CADPS2: variants seen among roughly 807,000 people sequenced by gnomAD.
CADPS2 encodes the protein calcium-dependent secretion activator 2.
CADPS2 carries 93 observed loss-of-function variants against 172.5 expected under a neutral mutation model. That is an observed-to-expected ratio of 0.54 (90% CI 0.46 to 0.64). The LOEUF is 0.64. Ranked by LOEUF, CADPS2 falls within the 30% of genes least tolerant of loss-of-function variation. The pLI is 0.00. For missense variants in CADPS2, 1,420 were observed against 1,565.9 expected (o/e 0.91, Z 1.57); for synonymous variants, 546 against 555.2 (o/e 0.98, Z 0.23).
At chr7:122,690,009 C>A (rs151010074) in intron 2 of CADPS2, among the ~76,000 whole-genome samples, 248 of 152,264 alleles carry the variant, frequency 1.6e-3, no homozygotes, top group Middle Eastern at 3.4e-3. Flanking sequence ...TGCAGTTCTG[C>A]ACAGAAGCTG....
At chr7:122,560,976 G>A (rs1301849775) in intron 7 of CADPS2, among the ~76,000 whole-genome samples, 1 of 152,084 alleles carries the variant, frequency 6.6e-6, no homozygotes, top group African/African-American at 2.4e-5. Context: ...CAGATGATTT[G>A]TCTAAGGGAA....
chr7:122,716,848 A>G (rs1000666492), intron 2 of CADPS2, among the ~76,000 whole-genome samples: 3 of 152,128 alleles, frequency 2.0e-5, no homozygotes, highest in Non-Finnish European at 4.4e-5. Flanking sequence ...AGGGAGGCCC[A>G]GAAAGGGAAA....
intron 15 of CADPS2, among the ~76,000 whole-genome samples, chr7:122,451,102 C>T (rs955925280): frequency 5.3e-5 from 8 of 152,000 alleles, no homozygotes; most frequent in Non-Finnish European, 7.4e-5. Flanking sequence ...GGGGAAGAGA[C>T]TATGCAAGAA....
intron 1 of CADPS2, among the ~76,000 whole-genome samples, chr7:122,752,710 C>T (rs2092999668): frequency 6.6e-6 from 1 of 152,040 alleles, no homozygotes; most frequent in Non-Finnish European, 1.5e-5. Flanking sequence ...GTATTGTCTT[C>T]AGAACTCTTT....
At chr7:122,325,043 T>C (rs1169818700) in intron 29 of CADPS2, among the ~76,000 whole-genome samples, 1 of 152,116 alleles carries the variant, frequency 6.6e-6, no homozygotes, top group Non-Finnish European at 1.5e-5. Flanking sequence ...GACAATGTAT[T>C]ACTTTCGTAC....
chr7:122,468,709 T>C (rs1251337226), intron 14 of CADPS2, among the ~76,000 whole-genome samples: 1 of 152,182 alleles, frequency 6.6e-6, no homozygotes, highest in Non-Finnish European at 1.5e-5. Flanking sequence ...TTTGCAAATT[T>C]CAGAGCCGGG....
chr7:122,821,288 A>G (rs1009209502), intron 1 of CADPS2, among the ~76,000 whole-genome samples: 6 of 151,960 alleles, frequency 3.9e-5, no homozygotes, highest in African/African-American at 1.5e-4. Context: ...AGGTTATGCT[A>G]TATAGTACAA....
intron 1 of CADPS2, among the ~76,000 whole-genome samples, chr7:122,869,423 A>C (rs968488021): frequency 2.0e-5 from 3 of 152,106 alleles, no homozygotes; most frequent in African/African-American, 7.2e-5. Context: ...AAATGGGATA[A>C]TATATTCAAA....
chr7:122,338,901 C>A (rs1009403617), intron 28 of CADPS2: 2 of 151,630 alleles, frequency 1.3e-5, no homozygotes, highest in Non-Finnish European at 2.9e-5. Flanking sequence ...GCTAGGACTA[C>A]AGGAACATAC....
chr7:122,864,314 A>C (rs182025672), intron 1 of CADPS2, among the ~76,000 whole-genome samples: 1 of 152,114 alleles, frequency 6.6e-6, no homozygotes, highest in East Asian at 1.9e-4. Context: ...TACACCAAAA[A>C]TACAAAAAAA....
chr7:122,744,592 G>A (rs535502764), intron 1 of CADPS2, among the ~76,000 whole-genome samples: 1 of 152,168 alleles, frequency 6.6e-6, no homozygotes, highest in South Asian at 2.1e-4. Flanking sequence ...AAGTTATTTT[G>A]GCAAACCAAA....
chr7:122,441,410 T>C (rs2051336160), intron 16 of CADPS2, 102 bp downstream of exon 16: 4 of 654,580 alleles, frequency 6.1e-6, no homozygotes, highest in South Asian at 4.8e-5. Context: ...ATGGAATCAG[T>C]AGAGAGCATA....
intron 2 of CADPS2, among the ~76,000 whole-genome samples, chr7:122,708,520 G>GATATATATATATATATATATATATAT (rs57522086): frequency 8.6e-6 from 1 of 116,482 alleles, no homozygotes; most frequent in Non-Finnish European, 1.7e-5. Context: ...TTGTATTCGA[G>GATATATATATATATATATATATATAT]ATATATATAT....
At position 122,848,479 on chromosome 7, in the gene CADPS2, G is replaced by A. The variant is rs1179439156; in HGVS notation, c.339+37520C>T. Among the ~76,000 whole-genome samples, 6 of 152,302 alleles carry A rather than the reference G, an allele frequency of 3.9e-5. No individual in the cohort carries two copies. In the East Asian group the frequency reaches 1.2e-3, roughly 29 times the overall value. On this transcript the variant is annotated intron_variant, in intron 1 of 29. Coordinates refer to ENST00000449022, the MANE Select transcript of CADPS2 (RefSeq NM_017954.11). Reference sequence around the variant, plus strand: ...GAACGTTCTCACAGTAGAGGAGCCAGGACCCCCAAAGGCTCTAAAATATTC... The same window carrying A: ...GAACGTTCTCACAGTAGAGGAGCCAAGACCCCCAAAGGCTCTAAAATATTC...
intron 2 of CADPS2, among the ~76,000 whole-genome samples, chr7:122,705,784 T>C (rs1588595519): frequency 4.8e-5 from 1 of 20,988 alleles, no homozygotes; most frequent in African/African-American, 1.2e-4. Flanking sequence ...TTATATAATA[T>C]ATATCATATA....
intron 2 of CADPS2, among the ~76,000 whole-genome samples, chr7:122,707,771 T>A (rs902333569): frequency 2.0e-5 from 3 of 151,672 alleles, no homozygotes; most frequent in Non-Finnish European, 4.4e-5. Context: ...AAGCAGAATC[T>A]TTACTTTTAC....
chr7:122,592,274 A>C (rs533894412), intron 6 of CADPS2, among the ~76,000 whole-genome samples: 1 of 152,298 alleles, frequency 6.6e-6, no homozygotes, highest in South Asian at 2.1e-4. Flanking sequence ...AATGCAAATC[A>C]AAACCACAAT....
chr7:122,855,274 G>A (rs1814866605), intron 1 of CADPS2, among the ~76,000 whole-genome samples: 1 of 152,122 alleles, frequency 6.6e-6, no homozygotes, highest in South Asian at 2.1e-4. Context: ...AGAAAGGAAG[G>A]GAGCAGCCAC....
intron 8 of CADPS2, among the ~76,000 whole-genome samples, chr7:122,551,282 C>CA (rs1198645329): frequency 6.6e-6 from 1 of 152,012 alleles, no homozygotes; most frequent in African/African-American, 2.4e-5. Context: ...AGCTTACTCT[C>CA]ATTTGTATTA....
Sources: allele counts gnomAD v4.1 joint callset (sites outside exome capture counted in the v4.1 genomes callset), GRCh38; gene constraint gnomAD v4.1.1; transcripts MANE v1.5; gene names NCBI Gene and HGNC (gene_info 2026-07-23, HGNC 2026-07-21).